The following MAF variants were observed in gnomAD, a reference collection of about 807,000 sequenced individuals.
The protein encoded by MAF is transcription factor Maf.
In MAF, 10 loss-of-function variants were observed where a neutral mutation model predicts 22.0. The ratio of observed to expected loss-of-function variants is 0.45; its 90% CI spans 0.28 to 0.77. The LOEUF is 0.77. Ranked by LOEUF, MAF falls within the 30% of genes least tolerant of loss-of-function variation. The pLI, the probability that MAF is intolerant of heterozygous loss-of-function variation, is 0.12. For synonymous variants in MAF, 337 were observed against 255.8 expected (o/e 1.32, Z -3.03); for missense variants, 544 against 548.4 (o/e 0.99, Z 0.08).
chr16:79,338,096 G>A, the MAF span, among the ~76,000 whole-genome samples: 5,808 of 152,234 alleles, frequency 0.038, 229 homozygotes, highest in African/African-American at 0.1. Context: ...AAACATACAC[G>A]CAAGTCAGCA....
the MAF span, among the ~76,000 whole-genome samples, chr16:79,386,720 C>G: frequency 2.6e-5 from 4 of 152,034 alleles, no homozygotes; most frequent in African/African-American, 9.7e-5. Context: ...GTGAGCAGCA[C>G]AGACTCAGTG....
chr16:79,404,299 G>A, the MAF span, among the ~76,000 whole-genome samples: 1 of 151,792 alleles, frequency 6.6e-6, no homozygotes, highest in Non-Finnish European at 1.5e-5. Context: ...GAGTAGCTGG[G>A]ACTACAGGTG....
At chr16:79,318,097 C>A in the MAF span, among the ~76,000 whole-genome samples, 1 of 152,180 alleles carries the variant, frequency 6.6e-6, no homozygotes, top group African/African-American at 2.4e-5. Context: ...ATGTCTTGAG[C>A]ACTTATAATA....
chr16:79,576,403 G>T, the MAF span, among the ~76,000 whole-genome samples: 3 of 152,100 alleles, frequency 2.0e-5, no homozygotes, highest in Admixed American at 6.6e-5. Flanking sequence ...CCCCACGGAG[G>T]GTCGTCATGC....
the MAF span, among the ~76,000 whole-genome samples, chr16:79,326,756 G>A: frequency 6.6e-6 from 1 of 152,182 alleles, no homozygotes; most frequent in Non-Finnish European, 1.5e-5. Context: ...AGTGGATGAA[G>A]GCTGCATTTG....
the MAF span, among the ~76,000 whole-genome samples, chr16:79,389,556 C>T: frequency 1.3e-5 from 2 of 152,184 alleles, no homozygotes; most frequent in African/African-American, 4.8e-5. Flanking sequence ...GCCACCGCGT[C>T]CAGCTAAAGA....
At chr16:79,342,506 C>T in the MAF span, among the ~76,000 whole-genome samples, 1 of 152,046 alleles carries the variant, frequency 6.6e-6, no homozygotes, top group African/African-American at 2.4e-5. Flanking sequence ...CCCTAAATTT[C>T]CTGGGCAGGT....
the MAF span, among the ~76,000 whole-genome samples, chr16:79,536,853 T>C: frequency 6.6e-6 from 1 of 152,116 alleles, no homozygotes; most frequent in Non-Finnish European, 1.5e-5. Flanking sequence ...TATATGCAAA[T>C]CCTACTACAC....
chr16:79,207,171 C>G, the MAF span, among the ~76,000 whole-genome samples: 1 of 152,190 alleles, frequency 6.6e-6, no homozygotes, highest in East Asian at 1.9e-4. Context: ...CGCAGCAGCT[C>G]TCTGATAAAT....
the MAF span, among the ~76,000 whole-genome samples, chr16:79,490,532 CAG>C: frequency 6.6e-6 from 1 of 152,108 alleles, no homozygotes; most frequent in East Asian, 1.9e-4. Flanking sequence ...AAGAAAGAGA[CAG>C]ATCTATATGC....
chr16:79,299,244 T>C, the MAF span, among the ~76,000 whole-genome samples: 1 of 151,834 alleles, frequency 6.6e-6, no homozygotes, highest in Non-Finnish European at 1.5e-5. Flanking sequence ...GCGGGTTTTG[T>C]TCAGGATCCC....
the MAF span, among the ~76,000 whole-genome samples, chr16:79,474,526 G>A: frequency 1.3e-5 from 2 of 152,166 alleles, no homozygotes; most frequent in Non-Finnish European, 2.9e-5. Flanking sequence ...AGCCCAGCAT[G>A]CTTGCTTTCG....
chr16:79,290,985 C>T, the MAF span, among the ~76,000 whole-genome samples: 3 of 152,044 alleles, frequency 2.0e-5, no homozygotes, highest in Admixed American at 2.0e-4. Flanking sequence ...CAATGACAAT[C>T]GAGGACCATG....
the MAF span, among the ~76,000 whole-genome samples, chr16:79,457,657 G>T: frequency 6.6e-6 from 1 of 152,020 alleles, no homozygotes; most frequent in Non-Finnish European, 1.5e-5. Context: ...AAGAGACAGG[G>T]GTGAGGGGAC....
At chr16:79,503,973 T>C in the MAF span, among the ~76,000 whole-genome samples, 1 of 152,248 alleles carries the variant, frequency 6.6e-6, no homozygotes, top group African/African-American at 2.4e-5. Flanking sequence ...GTCTGTAACA[T>C]GTTAACTGTT....
chr16:79,318,658 T>C, the MAF span, among the ~76,000 whole-genome samples: 10 of 152,192 alleles, frequency 6.6e-5, no homozygotes, highest in Admixed American at 6.5e-4. Context: ...ATTGGATACA[T>C]CCATTTCATG....
At chr16:79,406,918 G>A in the MAF span, among the ~76,000 whole-genome samples, 1 of 152,118 alleles carries the variant, frequency 6.6e-6, no homozygotes, top group Non-Finnish European at 1.5e-5. Context: ...TAGGGGCTGG[G>A]CACTCTCCTA....
the MAF span, among the ~76,000 whole-genome samples, chr16:79,498,102 G>A: frequency 3.9e-5 from 6 of 152,338 alleles, no homozygotes; most frequent in Non-Finnish European, 7.4e-5. Flanking sequence ...GGACTCTTTT[G>A]CAGAAATCAT....
the MAF span, among the ~76,000 whole-genome samples, chr16:79,517,316 C>G: frequency 1.3e-4 from 20 of 152,308 alleles, 1 homozygote; most frequent in African/African-American, 4.8e-4. Flanking sequence ...AAACGATTGC[C>G]TAATAATAAG....
Sources: allele counts gnomAD v4.1 joint callset (sites outside exome capture counted in the v4.1 genomes callset), GRCh38; gene constraint gnomAD v4.1.1; transcripts MANE v1.5; gene names NCBI Gene and HGNC (gene_info 2026-07-23, HGNC 2026-07-21).